Variants in CUX2 observed in about 807,000 individuals in gnomAD.
CUX2 encodes homeobox protein cut-like 2.
In CUX2, 40 loss-of-function variants were observed where a neutral mutation model predicts 144.8. The ratio of observed to expected loss-of-function variants is 0.28; its 90% CI spans 0.21 to 0.36. The LOEUF (loss-of-function observed/expected upper bound fraction) is 0.36. Ranked by LOEUF, CUX2 falls within the 10% of genes least tolerant of loss-of-function variation. The probability of loss-of-function intolerance (pLI) is 1.00; values close to 1 mark genes in which losing one functional copy is unlikely to be tolerated. For missense variants in CUX2, 1,615 were observed against 1,994.0 expected (o/e 0.81, Z 3.62); for synonymous variants, 827 against 875.6 (o/e 0.94, Z 0.98).
At position 111,272,076 on chromosome 12, in the gene CUX2, A is replaced by C. The variant is rs532852742; in HGVS notation, c.301+8237A>C. ...AAAATCTTTCTCGCCTCAAGGGTAT[A>C]AGGAGTTTTTTTAGTACTTTTGTGA... On this transcript the variant is annotated intron_variant, in intron 4 of 21. Transcript: ENST00000261726. 2.4e-4 allele frequency among the ~76,000 whole-genome samples: 36 copies of C among 152,292 alleles called. 1 individual carries two copies. The highest frequency in any genetic ancestry group is 2.3e-3 in the South Asian group (11 of 4,822).
chr12:111,304,559 A>C lies in CUX2; in HGVS notation c.858+245A>C, dbSNP rs1328253900. On this transcript the variant is annotated intron_variant, in intron 10 of 21. Transcript: ENST00000261726. This position sits in a 1 kb window ranked among gnomAD's most constrained non-coding sequence, Gnocchi z 4.7. The stretch of plus-strand genomic sequence containing the variant: ...ACTTTTCAAGCCCACGTTTCCATAT[A>C]CCCTTTATTACCAGGAGTTCCAGTA... Among the ~76,000 whole-genome samples, 3 of 152,158 alleles carry C rather than the reference A, an allele frequency of 2.0e-5. No homozygotes were observed. The highest frequency in any genetic ancestry group is 6.5e-5 in the Admixed American group (1 of 15,278).
At chr12:111,170,545 C>CTTTTTTTTT (rs34282526) in intron 1 of CUX2, among the ~76,000 whole-genome samples, 1 of 79,940 alleles carries the variant, frequency 1.3e-5, no homozygotes, top group Non-Finnish European at 2.3e-5. Flanking sequence ...CCCAGCTCTT[C>CTTTTTTTTT]TTTTTTTTTT....
At chr12:111,199,938 T>TTCTACA (rs1311427504) in intron 1 of CUX2, among the ~76,000 whole-genome samples, 1 of 152,132 alleles carries the variant, frequency 6.6e-6, no homozygotes, top group African/African-American at 2.4e-5. Context: ...GAAGGCTCTT[T>TTCTACA]TCTACAGCAC....
intron 3 of CUX2, among the ~76,000 whole-genome samples, chr12:111,247,245 G>A (rs1592878167): frequency 6.6e-6 from 1 of 152,314 alleles, no homozygotes; most frequent in Non-Finnish European, 1.5e-5. Flanking sequence ...GCTAGACTGG[G>A]CTGGGATCAG....
intron 1 of CUX2, among the ~76,000 whole-genome samples, chr12:111,198,799 G>A (rs1423633137): frequency 1.3e-5 from 2 of 152,232 alleles, no homozygotes; most frequent in East Asian, 3.8e-4. Context: ...GCCCTGAGGT[G>A]AGAAAGAGGC....
At chr12:111,169,841 G>A (rs1418671650) in intron 1 of CUX2, among the ~76,000 whole-genome samples, 1 of 152,140 alleles carries the variant, frequency 6.6e-6, no homozygotes, top group East Asian at 1.9e-4. Context: ...TACACACAGA[G>A]ACGTGGTTCT....
rs192253203 is a variant in CUX2, at chr12:111,186,800, A to G, written c.64-27400A>G. Among the ~76,000 whole-genome samples, 286 of 148,804 alleles carry G rather than the reference A, an allele frequency of 1.9e-3. No homozygotes were observed. Among genetic ancestry groups the G allele is most frequent in the Non-Finnish European group, 1.6e-3 (106 of 67,456 alleles). Reference sequence around the variant, plus strand: ...TGTGTATGTTTTTTTTTTTTTTGAGACAGAATTTCACCGCATCACCCAGAC... The same window carrying G: ...TGTGTATGTTTTTTTTTTTTTTGAGGCAGAATTTCACCGCATCACCCAGAC... On this transcript the variant is annotated intron_variant, in intron 1 of 21. Transcript: ENST00000261726. This position sits in a 1 kb window ranked among gnomAD's most constrained non-coding sequence, Gnocchi z 4.4.
chr12:111,035,421 T>G lies in CUX2; in HGVS notation c.63+1181T>G, dbSNP rs531165474. Among the ~76,000 whole-genome samples the G allele has an allele frequency of 1.0e-3, 157 of 152,032 alleles. No individual in the cohort carries two copies. Among genetic ancestry groups the G allele is most frequent in the Non-Finnish European group, 1.9e-3 (131 of 67,960 alleles). On this transcript the variant is annotated intron_variant, in intron 1 of 21. Transcript: ENST00000261726. This position sits in a 1 kb window ranked among gnomAD's most constrained non-coding sequence, Gnocchi z 6.0. ...CGTGGAGGCGCGGCTCCGGCCTCTG[T>G]TCTTTCCCGGAGTGCCCCGGACGCG...
chr12:111,051,867 AG>A (rs540394568), intron 1 of CUX2, among the ~76,000 whole-genome samples: 20 of 150,698 alleles, frequency 1.3e-4, no homozygotes, highest in Non-Finnish European at 2.4e-4. Flanking sequence ...TTAATTAGTG[AG>A]GTTTTTTTTT....
intron 1 of CUX2, among the ~76,000 whole-genome samples, chr12:111,179,772 G>C (rs759075180): frequency 6.6e-6 from 1 of 152,156 alleles, no homozygotes; most frequent in Non-Finnish European, 1.5e-5. Context: ...CACCTCTCGG[G>C]TTCAAGTGGT....
chr12:111,187,999 C>T (rs1592818148), intron 1 of CUX2, among the ~76,000 whole-genome samples: 1 of 152,376 alleles, frequency 6.6e-6, no homozygotes, highest in East Asian at 1.9e-4. Context: ...CATTTTCTTA[C>T]GTCCCTCAAG....
chr12:111,090,047 G>A (rs1266750285), intron 1 of CUX2, among the ~76,000 whole-genome samples: 2 of 152,314 alleles, frequency 1.3e-5, no homozygotes, highest in East Asian at 3.9e-4. Flanking sequence ...TGAGCTCCAA[G>A]TGGAGGCAGG....
At chr12:111,203,835 A>G (rs73197964) in intron 1 of CUX2, among the ~76,000 whole-genome samples, 9,813 of 152,306 alleles carry the variant, frequency 0.064, 400 homozygotes, top group South Asian at 0.12. Flanking sequence ...AGGCAATGAC[A>G]GTGGCCTGGC....
intron 3 of CUX2, among the ~76,000 whole-genome samples, chr12:111,251,985 G>A (rs1883583874): frequency 6.6e-6 from 1 of 152,130 alleles, no homozygotes; most frequent in Admixed American, 6.5e-5. Context: ...TTCAAGACCA[G>A]CCTGGGCAAC....
At chr12:111,346,980 G>A (rs1199326342) in intron 21 of CUX2, among the ~76,000 whole-genome samples, 1 of 152,114 alleles carries the variant, frequency 6.6e-6, no homozygotes, top group Non-Finnish European at 1.5e-5. Flanking sequence ...CCACTGCACT[G>A]CAGCCTGGGT....
rs749076822 is a variant in CUX2 at position 111,338,269 on chromosome 12, C to T, written c.3197-17C>T. On this transcript the variant is annotated splice_polypyrimidine_tract_variant and intron_variant, in intron 19 of 21. Transcript: ENST00000261726. ...CCCAGCCTCGGGTAACAGATTGCTC[C>T]CCTCCCCTATCCCCAGGGCAGCGGC... 5.7e-6 allele frequency: 9 copies of T among 1,588,342 alleles called. No homozygotes were observed. Among genetic ancestry groups the T allele is most frequent in the Non-Finnish European group, 6.0e-6 (7 of 1,165,620 alleles).
intron 1 of CUX2, among the ~76,000 whole-genome samples, chr12:111,175,021 T>TC (rs962262433): frequency 3.3e-5 from 5 of 151,680 alleles, no homozygotes; most frequent in African/African-American, 9.7e-5. Flanking sequence ...TGGAAGCAGC[T>TC]CCCCCCCACA....
In CUX2 at chr12:111,132,642, C is replaced by T. The variant is rs185844238; in HGVS notation, c.64-81558C>T. ...AGTGCAATGGCACTATCTCAACTAA[C>T]CGCAACCTCTGCCTCCCAGATTCAA... On this transcript the variant is annotated intron_variant, in intron 1 of 21. Transcript: ENST00000261726. Among the ~76,000 whole-genome samples, 314 of 138,468 alleles carry T rather than the reference C, an allele frequency of 2.3e-3. 3 individuals carry two copies. The highest frequency in any genetic ancestry group is 7.5e-3 in the African/African-American group (282 of 37,458). 90.8% of individuals were successfully genotyped at this position (138,468 alleles called of 152,430 possible). A position where few individuals can be genotyped will look rare whatever the true frequency, so the allele number is the denominator to read the frequency against.
rs528186482 is a variant in CUX2 at position 111,034,907 on chromosome 12, G to A, written c.63+667G>A. 9.1e-4 allele frequency among the ~76,000 whole-genome samples: 138 copies of A among 151,436 alleles called. No homozygotes were observed. The highest frequency in any genetic ancestry group is 7.9e-3 in the South Asian group (38 of 4,828). On this transcript the variant is annotated intron_variant, in intron 1 of 21. Coordinates refer to ENST00000261726, the MANE Select transcript of CUX2 (RefSeq NM_015267.4). The surrounding 1 kb of genome is among the most constrained non-coding windows in gnomAD (Gnocchi z 4.2). ...GCCGCCGCCGCCGGACTGGCCGCAA[G>A]CGCCGGCAGACCTCTTCTCCTCGGG...
Sources: allele counts gnomAD v4.1 joint callset (sites outside exome capture counted in the v4.1 genomes callset), GRCh38; gene constraint gnomAD v4.1.1; non-coding constraint Gnocchi (gnomAD v3.1); transcripts MANE v1.5; gene names NCBI Gene and HGNC (gene_info 2026-07-23, HGNC 2026-07-21).